PRRG4: variants seen among roughly 807,000 people sequenced by gnomAD.
The protein encoded by PRRG4 is proline rich and Gla domain 4.
A neutral mutation model predicts 20.0 loss-of-function variants in PRRG4; 12 were observed. That is an observed-to-expected ratio of 0.60 (90% CI 0.38 to 0.97). The LOEUF (loss-of-function observed/expected upper bound fraction) is 0.97, where lower values mean the gene tolerates loss of function less well. Among genes scored for constraint, PRRG4 ranks in the 50% least tolerant of loss-of-function variants. The pLI is 0.00. For missense variants in PRRG4, 199 were observed against 265.1 expected, an observed-to-expected ratio of 0.75 and a Z score of 1.73; for synonymous variants, 94 against 96.4, an observed-to-expected ratio of 0.98 and a Z score of 0.15.
Position 32,857,964 on chromosome 11 carries a change from G to A in PRRG4, c.*4437G>A, listed in dbSNP as rs1015180013. 2.7e-4 allele frequency: 41 copies of A among 151,904 alleles called. No individual in the cohort carries two copies. The highest frequency in any genetic ancestry group is 2.6e-3 in the Admixed American group (40 of 15,242). The allele number at this position is 151,904 out of a possible 1,614,324, so 9.4% of individuals were successfully genotyped here. A position where few individuals can be genotyped will look rare whatever the true frequency, so the allele number is the denominator to read the frequency against. ...TTTCTCTAACACCTCAACAGTTTAA[G>A]GTAATTTAGTACACATATATCAGTA... On this transcript the variant is annotated 3_prime_UTR_variant, in exon 6 of 6. Transcript: ENST00000257836.
rs1048184717 is a variant in PRRG4 at position 32,855,975 on chromosome 11, C to T, written c.*2448C>T. 1.5e-4 allele frequency: 23 copies of T among 152,198 alleles called. No individual in the cohort carries two copies. Among genetic ancestry groups the T allele is most frequent in the African/African-American group, 5.1e-4 (21 of 41,458 alleles). 9.4% of individuals were successfully genotyped at this position (152,198 alleles called of 1,614,324 possible). A position where few individuals can be genotyped will look rare whatever the true frequency, so the allele number is the denominator to read the frequency against. On this transcript the variant is annotated 3_prime_UTR_variant, in exon 6 of 6. Coordinates refer to ENST00000257836, the MANE Select transcript of PRRG4 (RefSeq NM_024081.6). ...GTCCCATGTCATGCCTATAAAATTA[C>T]ACTGCCTCGAATTATGAAATTCAGG...
chr11:32,841,242 A>G (rs1197263782), intron 5 of PRRG4, among the ~76,000 whole-genome samples: 5 of 152,142 alleles, frequency 3.3e-5, no homozygotes, highest in Admixed American at 2.6e-4. Context: ...GTGTTTTTGT[A>G]TCCCTCCAAA....
intron 5 of PRRG4, among the ~76,000 whole-genome samples, chr11:32,844,096 C>T (rs1851104846): frequency 6.6e-6 from 1 of 152,298 alleles, no homozygotes; most frequent in Admixed American, 6.5e-5. Flanking sequence ...TTCTCCCTAT[C>T]CTAGAAATAG....
At chr11:32,843,676 A>G (rs1486652269) in intron 5 of PRRG4, among the ~76,000 whole-genome samples, 1 of 151,968 alleles carries the variant, frequency 6.6e-6, no homozygotes, top group African/African-American at 2.4e-5. Flanking sequence ...TTAAGTATAC[A>G]GTTCAGTAGT....
chr11:32,837,541 G>GATGATGATGATT (rs1303509427), intron 3 of PRRG4, among the ~76,000 whole-genome samples: 87 of 95,852 alleles, frequency 9.1e-4, no homozygotes, highest in African/African-American at 2.9e-3. Flanking sequence ...TGATGATGAT[G>GATGATGATGATT]ATTATTATTA....
rs1851070250 is a variant in PRRG4 at position 32,840,759 on chromosome 11, T to G, written c.449+520T>G. Among the ~76,000 whole-genome samples the G allele has an allele frequency of 6.6e-6, 1 of 152,236 alleles. No homozygotes were observed. Among genetic ancestry groups the G allele is most frequent in the Non-Finnish European group, 1.5e-5 (1 of 68,048 alleles). On this transcript the variant is annotated intron_variant, in intron 5 of 5. Transcript: ENST00000257836. This position sits in a 1 kb window ranked among gnomAD's most constrained non-coding sequence, Gnocchi z 4.1. ...AAGCAAGAGGCAGATACCAGTGTCT[T>G]CACATTATTTCCAGAGGCAAGAAGT...
rs1851223395 is a variant in PRRG4, at chr11:32,855,734, G to A, written c.*2207G>A. The A allele has an allele frequency of 6.6e-6, 1 of 152,108 alleles. No individual in the cohort carries two copies. The highest frequency in any genetic ancestry group is 2.4e-5 in the African/African-American group (1 of 41,408). 9.4% of individuals were successfully genotyped at this position (152,108 alleles called of 1,614,324 possible). A position where few individuals can be genotyped will look rare whatever the true frequency, so the allele number is the denominator to read the frequency against. ...TAACTTGCTTTTAAAAGTTACCCAC[G>A]TTGCATATAAAAATCTTGCTATTCC... On this transcript the variant is annotated 3_prime_UTR_variant, in exon 6 of 6. Transcript: ENST00000257836.
intron 5 of PRRG4, among the ~76,000 whole-genome samples, chr11:32,847,142 T>G (rs1851138560): frequency 6.6e-6 from 1 of 152,122 alleles, no homozygotes; most frequent in Non-Finnish European, 1.5e-5. Context: ...CATATTTTAT[T>G]TATTTATTTT....
chr11:32,853,851 AAAGAAAAGAAG>A lies in PRRG4; in HGVS notation c.*334_*344del, dbSNP rs370183562. On this transcript the variant is annotated 3_prime_UTR_variant, in exon 6 of 6. Coordinates refer to ENST00000257836, the MANE Select transcript of PRRG4 (RefSeq NM_024081.6). ...TCAAAAATAAAATAAAAAAAGAAAG[AAAGAAAAGAAG>A]AAGAAAAGAGAAGAAGGAGAAGGAG... The A allele has an allele frequency of 6.0e-3, 1,086 of 181,952 alleles. 12 individuals carry two copies. The highest frequency in any genetic ancestry group is 0.024 in the African/African-American group (1,006 of 42,368). 11.3% of individuals were successfully genotyped at this position (181,952 alleles called of 1,614,324 possible). A position where few individuals can be genotyped will look rare whatever the true frequency, so the allele number is the denominator to read the frequency against.
chr11:32,834,307 G>A (rs1362956163), intron 2 of PRRG4, among the ~76,000 whole-genome samples: 5 of 152,172 alleles, frequency 3.3e-5, no homozygotes, highest in Non-Finnish European at 5.9e-5. Flanking sequence ...ATCCCAGTGA[G>A]GGGTGATGGA....
At position 32,856,405 on chromosome 11, in the gene PRRG4, A is replaced by C. The variant is rs1408765614; in HGVS notation, c.*2878A>C. ...GAGATCATGATACTTTAAATATAAA[A>C]AGGAAAATATGATAGAACTGTTATT... On this transcript the variant is annotated 3_prime_UTR_variant, in exon 6 of 6. Coordinates refer to ENST00000257836, the MANE Select transcript of PRRG4 (RefSeq NM_024081.6). 1.3e-4 allele frequency: 20 copies of C among 152,234 alleles called. No individual in the cohort carries two copies. Among genetic ancestry groups the C allele is most frequent in the Admixed American group, 1.3e-3 (20 of 15,282 alleles). 9.4% of individuals were successfully genotyped at this position (152,234 alleles called of 1,614,324 possible). A position where few individuals can be genotyped will look rare whatever the true frequency, so the allele number is the denominator to read the frequency against.
Position 32,830,167 on chromosome 11 carries a change from G to C in PRRG4, c.-29G>C. The C allele has an allele frequency of 9.7e-7, 1 of 1,029,796 alleles. No individual in the cohort carries two copies. The highest frequency in any genetic ancestry group is 1.2e-6 in the Non-Finnish European group (1 of 859,672). The allele number at this position is 1,029,796 out of a possible 1,614,324, so 63.8% of individuals were successfully genotyped here. On this transcript the variant is annotated 5_prime_UTR_variant, in exon 1 of 6. Coordinates refer to ENST00000257836, the MANE Select transcript of PRRG4 (RefSeq NM_024081.6). ...GGGGCTGCTGGAACATGTGCGGGGG[G>C]ACACAGGTACGAGGCCTGGCGGCAG...
At chr11:32,829,847 C>G, upstream of PRRG4, 1 of 985,410 alleles carries the variant, frequency 1.0e-6, no homozygotes, top group Non-Finnish European at 1.2e-6. Flanking sequence ...GCCCACTGCC[C>G]GCCCGCTCGC....
At chr11:32,836,107 T>TAAC (rs1482813896) in intron 2 of PRRG4, among the ~76,000 whole-genome samples, 1 of 151,586 alleles carries the variant, frequency 6.6e-6, no homozygotes, top group African/African-American at 2.4e-5. Flanking sequence ...CTCTCAAAAA[T>TAAC]AATAATAATA....
At chr11:32,851,502 C>T (rs563688443) in intron 5 of PRRG4, among the ~76,000 whole-genome samples, 5 of 152,294 alleles carry the variant, frequency 3.3e-5, no homozygotes, top group Admixed American at 2.6e-4. Context: ...AGTCACCTCT[C>T]AACTATTGAA....
At chr11:32,839,739 A>G (rs1373638238) in intron 4 of PRRG4, among the ~76,000 whole-genome samples, 4 of 120,886 alleles carry the variant, frequency 3.3e-5, no homozygotes, top group Non-Finnish European at 7.7e-5. Flanking sequence ...GAATATTATT[A>G]AAATATAGAT....
At chr11:32,835,855 G>A (rs1851014977) in intron 2 of PRRG4, among the ~76,000 whole-genome samples, 1 of 152,130 alleles carries the variant, frequency 6.6e-6, no homozygotes, top group Non-Finnish European at 1.5e-5. Context: ...TGTAATCCCA[G>A]CACTTTGGGA....
intron 2 of PRRG4, among the ~76,000 whole-genome samples, chr11:32,833,505 T>C (rs1381472101): frequency 1.3e-5 from 2 of 152,194 alleles, no homozygotes; most frequent in Non-Finnish European, 2.9e-5. Context: ...ATTTGAGAAG[T>C]ATACAGAGGC....
intron 1 of PRRG4, 36 bp from the exon 2 acceptor site, chr11:32,830,472 C>A (rs1207387086): frequency 7.4e-7 from 1 of 1,345,516 alleles, no homozygotes. Context: ...GAGCTAGGGG[C>A]CTTTTTTTTT....
Sources: gnomAD v4.1 joint callset for allele counts (sites outside exome capture counted in the v4.1 genomes callset) on GRCh38, gnomAD v4.1.1 for gene constraint, Gnocchi (gnomAD v3.1) non-coding constraint, MANE v1.5 for transcripts, NCBI Gene and HGNC (gene_info 2026-07-23, HGNC 2026-07-21) for gene names.